STK32B: variants seen among roughly 807,000 people sequenced by gnomAD.
STK32B encodes serine/threonine-protein kinase 32B.
In STK32B, 43 loss-of-function variants were observed where a neutral mutation model predicts 52.6. That is an observed-to-expected ratio of 0.82 (90% confidence interval 0.64 to 1.05). The LOEUF is 1.05. Ranked by LOEUF, STK32B falls within the 50% of genes least tolerant of loss-of-function variation. The pLI is 0.00. For missense variants in STK32B, 621 were observed against 534.6 expected (o/e 1.16, Z -1.59); for synonymous variants, 238 against 204.3 (o/e 1.17, Z -1.41).
At chr4:5,076,878 T>G (rs559025392) in intron 1 of STK32B, among the ~76,000 whole-genome samples, 6 of 152,152 alleles carry the variant, frequency 3.9e-5, no homozygotes, top group Non-Finnish European at 7.4e-5. Flanking sequence ...ATTTATTCCA[T>G]CATTGTAAAA....
chr4:5,486,338 G>C (rs1364575778), intron 11 of STK32B, among the ~76,000 whole-genome samples: 5 of 152,154 alleles, frequency 3.3e-5, no homozygotes, highest in Non-Finnish European at 5.9e-5. Flanking sequence ...ATTTCAGACT[G>C]CTGTGGTAGC....
intron 1 of STK32B, among the ~76,000 whole-genome samples, chr4:5,068,412 T>C (rs1711550970): frequency 6.6e-6 from 1 of 152,180 alleles, no homozygotes; most frequent in Admixed American, 6.5e-5. Context: ...CTTGGAATAA[T>C]GGCCCCCAGT....
chr4:5,071,047 C>T (rs138842141), intron 1 of STK32B, among the ~76,000 whole-genome samples: 423 of 152,254 alleles, frequency 2.8e-3, no homozygotes, highest in East Asian at 4.6e-3. Flanking sequence ...AAACAAGCAC[C>T]GGGCCCTCCT....
At chr4:5,497,608 G>T (rs739970) in intron 11 of STK32B, among the ~76,000 whole-genome samples, 3 of 152,094 alleles carry the variant, frequency 2.0e-5, no homozygotes, top group African/African-American at 7.2e-5. Flanking sequence ...TGACCAATTC[G>T]CTGTCTTATG....
At chr4:5,074,606 G>C (rs183226811) in intron 1 of STK32B, among the ~76,000 whole-genome samples, 2 of 151,964 alleles carry the variant, frequency 1.3e-5, no homozygotes, top group African/African-American at 4.8e-5. Context: ...ATAGAAGCTA[G>C]CATGTGTAAA....
chr4:5,212,386 A>G (rs1035937003), intron 3 of STK32B, among the ~76,000 whole-genome samples: 5 of 152,142 alleles, frequency 3.3e-5, no homozygotes, highest in South Asian at 2.1e-4. Context: ...ATTTTTCCCT[A>G]CTGTCTGTGG....
intron 1 of STK32B, among the ~76,000 whole-genome samples, chr4:5,121,497 C>T (rs1404074071): frequency 6.6e-6 from 1 of 152,178 alleles, no homozygotes; most frequent in South Asian, 2.1e-4. Context: ...GGCTCCAATT[C>T]TGTCTGTGCA....
At chr4:5,031,946 T>C in the STK32B span, among the ~76,000 whole-genome samples, 2 of 152,172 alleles carry the variant, frequency 1.3e-5, no homozygotes, top group Admixed American at 6.5e-5. Context: ...ATTCCCCAAC[T>C]GGGAAACAGA....
intron 3 of STK32B, among the ~76,000 whole-genome samples, chr4:5,245,179 G>T (rs557355923): frequency 8.8e-4 from 134 of 152,282 alleles, no homozygotes; most frequent in African/African-American, 3.0e-3. Flanking sequence ...ACAGTGGGGT[G>T]TTAAAGTCTC....
chr4:5,438,367 G>T (rs1714323341), intron 6 of STK32B, among the ~76,000 whole-genome samples: 1 of 152,212 alleles, frequency 6.6e-6, no homozygotes, highest in African/African-American at 2.4e-5. Flanking sequence ...GATGCTTAAT[G>T]AACAAGTGTG....
chr4:5,456,775 C>A (rs767251553), intron 7 of STK32B, 32 bp from the exon 8 acceptor site: 1 of 1,531,560 alleles, frequency 6.5e-7, no homozygotes, highest in Non-Finnish European at 8.9e-7. Flanking sequence ...ATGGCTCTCT[C>A]TCTGATTCTG....
intron 3 of STK32B, among the ~76,000 whole-genome samples, chr4:5,233,323 G>C (rs1467423934): frequency 4.6e-5 from 7 of 152,180 alleles, no homozygotes; most frequent in Admixed American, 4.6e-4. Context: ...TGGGATTGAC[G>C]TGTGCTGAGG....
intron 11 of STK32B, among the ~76,000 whole-genome samples, chr4:5,478,995 G>A (rs181031458): frequency 6.6e-6 from 1 of 152,322 alleles, no homozygotes; most frequent in East Asian, 1.9e-4. Flanking sequence ...CAGACTCCCA[G>A]GCTGACAAGA....
At chr4:5,295,894 G>A (rs1035672829) in intron 3 of STK32B, among the ~76,000 whole-genome samples, 2 of 152,002 alleles carry the variant, frequency 1.3e-5, no homozygotes, top group Non-Finnish European at 2.9e-5. Context: ...ACTTTCTGAT[G>A]TGGGCATTTA....
In STK32B at chr4:5,058,264, G is replaced by GCA. The variant is rs984455103; in HGVS notation, c.52+6358_52+6359dup. On this transcript the variant is annotated intron_variant, in intron 1 of 11. Coordinates refer to ENST00000282908, the MANE Select transcript of STK32B (RefSeq NM_018401.3). The surrounding 1 kb of genome is among the most constrained non-coding windows in gnomAD (Gnocchi z 4.8). ...CATCCTGTTCCCCTTTACTTTTCAT[G>GCA]CACACACACAAAATTATACCTCCTT... 7.2e-5 allele frequency among the ~76,000 whole-genome samples: 11 copies of GCA among 152,276 alleles called. No homozygotes were observed. The highest frequency in any genetic ancestry group is 2.6e-4 in the African/African-American group (11 of 41,548).
At position 5,390,964 on chromosome 4, in the gene STK32B, C is replaced by CTTT. The variant is rs71638602; in HGVS notation, c.435-7226_435-7224dup. 7.2e-4 allele frequency among the ~76,000 whole-genome samples: 89 copies of CTTT among 124,020 alleles called. 3 individuals carry two copies. The highest frequency in any genetic ancestry group is 2.3e-3 in the African/African-American group (72 of 31,276). The allele number at this position is 124,020 out of a possible 152,430, so 81.4% of individuals were successfully genotyped here. The stretch of plus-strand genomic sequence containing the variant: ...GTGTCTACCTGTGTCTCTTTTCTAT[C>CTTT]TTTTTTTTTTTTTTTTTTTGAGACG... On this transcript the variant is annotated intron_variant, in intron 4 of 11. Coordinates refer to ENST00000282908, the MANE Select transcript of STK32B (RefSeq NM_018401.3).
At chr4:5,062,006 A>T (rs1742235908) in intron 1 of STK32B, among the ~76,000 whole-genome samples, 2 of 152,166 alleles carry the variant, frequency 1.3e-5, no homozygotes, top group African/African-American at 2.4e-5. Flanking sequence ...TCAAAAGTAT[A>T]TTTTGTACAG....
At chr4:5,024,082 C>A in the STK32B span, among the ~76,000 whole-genome samples, 5 of 152,182 alleles carry the variant, frequency 3.3e-5, no homozygotes, top group African/African-American at 9.7e-5. Flanking sequence ...TCAATGAAGT[C>A]ACTAAGGAAT....
chr4:5,075,594 GA>G (rs1712029296), intron 1 of STK32B, among the ~76,000 whole-genome samples: 1 of 151,868 alleles, frequency 6.6e-6, no homozygotes, highest in South Asian at 2.1e-4. Context: ...TGGATAAATT[GA>G]ATCTTAACCA....
Sources: gnomAD v4.1 joint callset for allele counts (sites outside exome capture counted in the v4.1 genomes callset) on GRCh38, gnomAD v4.1.1 for gene constraint, Gnocchi (gnomAD v3.1) non-coding constraint, MANE v1.5 for transcripts, NCBI Gene and HGNC (gene_info 2026-07-23, HGNC 2026-07-21) for gene names.